The following WWOX variants were observed in gnomAD, a reference collection of about 807,000 sequenced individuals.
WWOX encodes WW domain containing oxidoreductase, also known as WW domain-containing oxidoreductase.
WWOX carries 69 observed loss-of-function variants against 46.2 expected under a neutral mutation model. The ratio of observed to expected loss-of-function variants is 1.49; its 90% CI spans 1.23 to 1.82. The LOEUF (loss-of-function observed/expected upper bound fraction) is 1.82. WWOX is among the 40% of genes most tolerant of loss of function. The pLI is 0.00. For missense variants in WWOX, 919 were observed against 542.6 expected, an observed-to-expected ratio of 1.69 and a Z score of -6.89; for synonymous variants, 359 against 202.6, an observed-to-expected ratio of 1.77 and a Z score of -6.56.
At chr16:78,574,069 C>T (rs998053940) in intron 8 of WWOX, among the ~76,000 whole-genome samples, 2 of 152,166 alleles carry the variant, frequency 1.3e-5, no homozygotes, top group Non-Finnish European at 2.9e-5. Context: ...CTTTTTGACT[C>T]GGCCTGGCTT....
chr16:78,788,727 C>G (rs2050519071), intron 8 of WWOX, among the ~76,000 whole-genome samples: 1 of 152,132 alleles, frequency 6.6e-6, no homozygotes, highest in Admixed American at 6.6e-5. Flanking sequence ...TAATCAAACC[C>G]AAAGAGGGGG....
At chr16:78,335,251 G>T (rs114123481) in intron 5 of WWOX, among the ~76,000 whole-genome samples, 1 of 152,264 alleles carries the variant, frequency 6.6e-6, no homozygotes, top group South Asian at 2.1e-4. Context: ...GAAGCCCAGC[G>T]TCCATTAGCT....
At chr16:78,688,097 A>T (rs1295687891) in intron 8 of WWOX, among the ~76,000 whole-genome samples, 1 of 130,514 alleles carries the variant, frequency 7.7e-6, no homozygotes, top group Non-Finnish European at 1.7e-5. Flanking sequence ...CAGACCAGGA[A>T]TGGTTATTAT....
chr16:79,110,148 G>A (rs1158637771), intron 8 of WWOX, among the ~76,000 whole-genome samples: 1 of 152,060 alleles, frequency 6.6e-6, no homozygotes, highest in African/African-American at 2.4e-5. Context: ...GGCTGTTTGG[G>A]GGCTCTCTTT....
intron 6 of WWOX, among the ~76,000 whole-genome samples, chr16:78,410,690 CAGTT>C (rs2082658997): frequency 6.6e-6 from 1 of 150,640 alleles, no homozygotes. Context: ...CATGTAATCC[CAGTT>C]AGTTGGGGGG....
rs181216545 is a variant in WWOX at position 78,435,823 on chromosome 16, A to G, written c.1056+3071A>G. On this transcript the variant is annotated intron_variant, in intron 8 of 8. Coordinates refer to ENST00000566780, the MANE Select transcript of WWOX (RefSeq NM_016373.4). ...AGCTTTCTGAGCCTGTCTCATTACG[A>G]TGAAAATTGTGATACAGGTTAGTGT... 7.7e-3 allele frequency among the ~76,000 whole-genome samples: 1,179 copies of G among 152,298 alleles called. 11 individuals carry two copies. Among genetic ancestry groups the G allele is most frequent in the Non-Finnish European group, 8.0e-3 (545 of 68,024 alleles).
chr16:78,366,248 G>C (rs1178853159), intron 5 of WWOX, among the ~76,000 whole-genome samples: 1 of 152,214 alleles, frequency 6.6e-6, no homozygotes, highest in Non-Finnish European at 1.5e-5. Context: ...TGTTATGTAC[G>C]AAGTGAAATA....
chr16:78,640,831 C>A (rs1292316994), intron 8 of WWOX, among the ~76,000 whole-genome samples: 3 of 150,858 alleles, frequency 2.0e-5, no homozygotes, highest in African/African-American at 7.3e-5. Flanking sequence ...CCCAGCTATT[C>A]GGGAGGGTGA....
chr16:79,109,652 G>C lies in WWOX; in HGVS notation c.1057-101956G>C, dbSNP rs1016449841. Among the ~76,000 whole-genome samples, 54 of 152,016 alleles carry C rather than the reference G, an allele frequency of 3.6e-4. 1 individual carries two copies. Among genetic ancestry groups the C allele is most frequent in the Non-Finnish European group, 8.8e-5 (6 of 67,998 alleles). On this transcript the variant is annotated intron_variant, in intron 8 of 8. Transcript: ENST00000566780. ...AGAATATTAAATAAAATGAACACTGGGGTATTTCGCTCCAAGTTTGGTGTT... is the reference window on the plus strand; with the variant it reads ...AGAATATTAAATAAAATGAACACTGCGGTATTTCGCTCCAAGTTTGGTGTT...
intron 8 of WWOX, among the ~76,000 whole-genome samples, chr16:78,678,719 C>A (rs764345037): frequency 6.6e-6 from 1 of 152,106 alleles, no homozygotes; most frequent in African/African-American, 2.4e-5. Context: ...AAGATTTTGA[C>A]GGAGGGCTGG....
intron 7 of WWOX, among the ~76,000 whole-genome samples, chr16:78,430,492 C>G (rs377246907): frequency 6.6e-6 from 1 of 152,134 alleles, no homozygotes. Flanking sequence ...CCATGAGTGT[C>G]CACTGGGGCA....
At chr16:79,096,860 G>C (rs1180515334) in intron 8 of WWOX, among the ~76,000 whole-genome samples, 1 of 152,060 alleles carries the variant, frequency 6.6e-6, no homozygotes, top group Admixed American at 6.6e-5. Context: ...TTGAAGCCGA[G>C]GTTTGTGCCC....
At chr16:79,042,179 G>A (rs556968546) in intron 8 of WWOX, among the ~76,000 whole-genome samples, 1 of 152,236 alleles carries the variant, frequency 6.6e-6, no homozygotes, top group South Asian at 2.1e-4. Flanking sequence ...TGCACACAGT[G>A]ATTGAGTGCC....
chr16:78,933,070 C>T (rs1278134051), intron 8 of WWOX, among the ~76,000 whole-genome samples: 1 of 152,190 alleles, frequency 6.6e-6, no homozygotes, highest in East Asian at 1.9e-4. Context: ...GGGAGCAAGG[C>T]TTGCAAATCG....
intron 8 of WWOX, among the ~76,000 whole-genome samples, chr16:78,544,335 T>C (rs1054923535): frequency 1.3e-5 from 2 of 152,224 alleles, no homozygotes; most frequent in African/African-American, 2.4e-5. Flanking sequence ...AGTTACCATT[T>C]ATTGAGAGCA....
At chr16:78,727,023 G>A (rs1020071377) in intron 8 of WWOX, among the ~76,000 whole-genome samples, 5 of 152,180 alleles carry the variant, frequency 3.3e-5, no homozygotes, top group African/African-American at 1.2e-4. Context: ...CTTCCGTGGT[G>A]TAAGTTGCCT....
chr16:78,948,602 G>A (rs557276715), intron 8 of WWOX, among the ~76,000 whole-genome samples: 46 of 152,068 alleles, frequency 3.0e-4, no homozygotes, highest in African/African-American at 1.0e-3. Flanking sequence ...ATGCCTTGTG[G>A]TCCTGCTTGT....
intron 8 of WWOX, among the ~76,000 whole-genome samples, chr16:78,950,329 G>C (rs2046033323): frequency 6.6e-6 from 1 of 152,144 alleles, no homozygotes; most frequent in Non-Finnish European, 1.5e-5. Context: ...GAGGAGAAAG[G>C]AAAGGAGAAG....
In WWOX at chr16:78,099,783, C is replaced by T; in HGVS notation, c.5C>T (p.Ala2Val). The T allele has an allele frequency of 1.3e-6, 2 of 1,552,900 alleles. No homozygotes were observed. The highest frequency in any genetic ancestry group is 2.4e-5 in the East Asian group (1 of 40,962). M[A>V]ALRYAGLDDT... ...CAGGTGCCTCCACAGTCAGCCATGGCAGCGCTGCGCTACGCGGGGCTGGAC... is the reference window on the plus strand; with the variant it reads ...CAGGTGCCTCCACAGTCAGCCATGGTAGCGCTGCGCTACGCGGGGCTGGAC... Residue 2 changes from alanine (A) to valine (V), a missense_variant, in exon 1 of 9, where the codon GCA becomes GTA. Ala to Val is a moderately conservative substitution (Grantham distance 64). Transcript: ENST00000566780.
Sources: allele counts gnomAD v4.1 joint callset (sites outside exome capture counted in the v4.1 genomes callset), GRCh38; gene constraint gnomAD v4.1.1; transcripts MANE v1.5; gene names NCBI Gene and HGNC (gene_info 2026-07-23, HGNC 2026-07-21).